The following TFEC variants were observed in gnomAD, a reference collection of about 807,000 sequenced individuals.
The protein encoded by TFEC is class E basic helix-loop-helix protein 34.
TFEC carries 31 observed loss-of-function variants against 41.6 expected under a neutral mutation model. The observed-to-expected ratio is 0.74, with a 90% CI of 0.56 to 1.01. The LOEUF is 1.01. Among genes scored for constraint, TFEC ranks in the 50% least tolerant of loss-of-function variants. TFEC has a pLI of 0.00. For missense variants in TFEC, 402 were observed against 404.1 expected, an observed-to-expected ratio of 0.99 and a Z score of 0.04; for synonymous variants, 143 against 140.6, an observed-to-expected ratio of 1.02 and a Z score of -0.12.
intron 3 of TFEC, among the ~76,000 whole-genome samples, chr7:116,040,743 C>T (rs1796018133): frequency 6.6e-6 from 1 of 152,148 alleles, no homozygotes; most frequent in African/African-American, 2.4e-5. Context: ...CTCTCCAAAG[C>T]ATTTTCCCAG....
At chr7:116,066,362 G>GT (rs1796694640) in intron 3 of TFEC, among the ~76,000 whole-genome samples, 1 of 152,100 alleles carries the variant, frequency 6.6e-6, no homozygotes, top group Non-Finnish European at 1.5e-5. Context: ...ATAAGTTAAT[G>GT]TAAGTTCATG....
intron 7 of TFEC, chr7:115,941,450 A>C (rs577745216): frequency 5.9e-6 from 1 of 168,778 alleles, no homozygotes; most frequent in African/African-American, 2.4e-5. Flanking sequence ...AATCCATAGC[A>C]ATGTTGGAAA....
intron 3 of TFEC, among the ~76,000 whole-genome samples, chr7:116,107,212 G>A (rs1797738472): frequency 6.6e-6 from 1 of 152,114 alleles, no homozygotes; most frequent in African/African-American, 2.4e-5. Flanking sequence ...CCTGGCTTAT[G>A]CAATTACTTG....
chr7:116,094,332 T>C (rs962962671), intron 3 of TFEC, among the ~76,000 whole-genome samples: 3 of 152,218 alleles, frequency 2.0e-5, no homozygotes, highest in Non-Finnish European at 2.9e-5. Context: ...CTTCAGGTTT[T>C]AGTTTTTCGT....
chr7:116,155,444 G>C (rs1307160716), intron 1 of TFEC, among the ~76,000 whole-genome samples: 1 of 152,186 alleles, frequency 6.6e-6, no homozygotes, highest in African/African-American at 2.4e-5. Context: ...TGGGCCTACA[G>C]CAAACCTGCC....
intron 1 of TFEC, among the ~76,000 whole-genome samples, chr7:116,126,467 T>C (rs895632312): frequency 6.6e-6 from 1 of 152,016 alleles, no homozygotes; most frequent in Admixed American, 6.6e-5. Context: ...AATAAAGACA[T>C]TATTTTTAGA....
chr7:116,011,301 G>T (rs537972182), intron 1 of TFEC, among the ~76,000 whole-genome samples: 1 of 152,038 alleles, frequency 6.6e-6, no homozygotes, highest in Non-Finnish European at 1.5e-5. Context: ...TAAATAGCAC[G>T]TGGAAAAGAC....
intron 3 of TFEC, among the ~76,000 whole-genome samples, chr7:116,090,305 G>C (rs1797296285): frequency 6.6e-6 from 1 of 152,140 alleles, no homozygotes; most frequent in Non-Finnish European, 1.5e-5. Context: ...TGAGCACCAA[G>C]TGGCCCATGG....
intron 3 of TFEC, among the ~76,000 whole-genome samples, chr7:116,103,836 T>G (rs1482533911): frequency 1.3e-5 from 2 of 152,168 alleles, no homozygotes; most frequent in African/African-American, 4.8e-5. Flanking sequence ...AGAAGTATTT[T>G]TTAATCAATG....
intron 3 of TFEC, among the ~76,000 whole-genome samples, chr7:116,104,697 G>A (rs901902191): frequency 6.6e-6 from 1 of 151,000 alleles, no homozygotes; most frequent in African/African-American, 2.4e-5. Flanking sequence ...GGACTTTGAA[G>A]TATGTAAAGT....
chr7:116,107,302 A>T (rs79407526), intron 3 of TFEC, among the ~76,000 whole-genome samples: 1 of 152,278 alleles, frequency 6.6e-6, no homozygotes, highest in East Asian at 1.9e-4. Context: ...ACAGCCATCA[A>T]AGCGAACACC....
intron 1 of TFEC, among the ~76,000 whole-genome samples, chr7:116,131,143 A>C (rs1358720608): frequency 6.6e-6 from 1 of 152,230 alleles, no homozygotes; most frequent in Non-Finnish European, 1.5e-5. Context: ...TTTTAAAAGT[A>C]AGTTGATTTA....
chr7:115,978,173 C>T (rs1296415792), intron 2 of TFEC, among the ~76,000 whole-genome samples: 1 of 151,718 alleles, frequency 6.6e-6, no homozygotes, highest in Non-Finnish European at 1.5e-5. Flanking sequence ...TAAAAGTAAA[C>T]AACAGAAAAA....
At chr7:115,981,517 A>G (rs967527705) in intron 2 of TFEC, among the ~76,000 whole-genome samples, 2 of 152,202 alleles carry the variant, frequency 1.3e-5, no homozygotes, top group African/African-American at 4.8e-5. Flanking sequence ...CTGATTATTA[A>G]TTGGCAGAAA....
intron 3 of TFEC, among the ~76,000 whole-genome samples, chr7:116,110,533 A>C (rs1176567328): frequency 1.3e-5 from 2 of 152,096 alleles, no homozygotes; most frequent in Non-Finnish European, 2.9e-5. Flanking sequence ...CATGCTGTTA[A>C]ATGGGTCAGT....
chr7:116,048,761 C>T (rs1347830648), intron 3 of TFEC, among the ~76,000 whole-genome samples: 1 of 152,182 alleles, frequency 6.6e-6, no homozygotes, highest in African/African-American at 2.4e-5. Context: ...AAGGGAAGCC[C>T]ATCAGACTAA....
intron 1 of TFEC, among the ~76,000 whole-genome samples, chr7:116,149,144 T>C (rs1798706786): frequency 2.0e-5 from 3 of 152,068 alleles, no homozygotes; most frequent in South Asian, 4.1e-4. Context: ...TTATTAGAGC[T>C]GAACTCAGTA....
At chr7:116,111,082 C>T (rs1256367009) in intron 2 of TFEC, among the ~76,000 whole-genome samples, 4 of 150,056 alleles carry the variant, frequency 2.7e-5, no homozygotes, top group South Asian at 4.2e-4. Context: ...ATGGTTCATC[C>T]ATAAAGAGGT....
At chr7:115,974,948 CATTT>C in intron 2 of TFEC, among the ~76,000 whole-genome samples, 1 of 152,078 alleles carries the variant, frequency 6.6e-6, no homozygotes, top group East Asian at 1.9e-4. Context: ...ATACATCATT[CATTT>C]AATACTTATA....
Sources: allele counts gnomAD v4.1 joint callset (sites outside exome capture counted in the v4.1 genomes callset), GRCh38; gene constraint gnomAD v4.1.1; transcripts MANE v1.5; gene names NCBI Gene and HGNC (gene_info 2026-07-23, HGNC 2026-07-21).